The following DCDC1 variants were observed in gnomAD, a reference collection of about 807,000 sequenced individuals.
The protein encoded by DCDC1 is doublecortin domain-containing protein 1.
DCDC1 carries 200 observed loss-of-function variants against 178.3 expected under a neutral mutation model. That is an observed-to-expected ratio of 1.12 (90% CI 1.00 to 1.26). DCDC1 has a LOEUF of 1.26. Among genes scored for constraint, DCDC1 ranks in the 50% most tolerant of loss-of-function variants. The pLI is 0.00. For missense variants in DCDC1, 1,983 were observed against 1,749.2 expected (o/e 1.13, Z -2.38); for synonymous variants, 690 against 604.8 (o/e 1.14, Z -2.07).
intron 9 of DCDC1, among the ~76,000 whole-genome samples, chr11:31,183,974 G>A (rs973234936): frequency 6.6e-6 from 1 of 152,148 alleles, no homozygotes; most frequent in Non-Finnish European, 1.5e-5. Flanking sequence ...AGACCATATA[G>A]CCAAGACAAT....
intron 8 of DCDC1, among the ~76,000 whole-genome samples, chr11:31,261,290 T>A (rs1944763566): frequency 6.6e-6 from 1 of 152,156 alleles, no homozygotes; most frequent in African/African-American, 2.4e-5. Flanking sequence ...CATTATTGTT[T>A]TAGGTAGTAT....
intron 9 of DCDC1, among the ~76,000 whole-genome samples, chr11:31,140,873 T>C (rs1284110616): frequency 1.3e-5 from 2 of 152,184 alleles, no homozygotes; most frequent in East Asian, 3.8e-4. Flanking sequence ...AATACTAAGG[T>C]GTCAGGCACT....
At chr11:31,269,362 C>G (rs577863415) in intron 7 of DCDC1, among the ~76,000 whole-genome samples, 2 of 151,512 alleles carry the variant, frequency 1.3e-5, no homozygotes, top group African/African-American at 4.8e-5. Flanking sequence ...ATTACTTTTA[C>G]ACATTCACAT....
chr11:31,243,802 T>C (rs1977481548), intron 8 of DCDC1, among the ~76,000 whole-genome samples: 1 of 151,780 alleles, frequency 6.6e-6, no homozygotes, highest in Non-Finnish European at 1.5e-5. Context: ...GAAAGCAGTA[T>C]TCACAAGCAG....
chr11:31,183,656 G>A (rs542080281), intron 9 of DCDC1, among the ~76,000 whole-genome samples: 22 of 152,126 alleles, frequency 1.4e-4, no homozygotes, highest in East Asian at 3.9e-4. Flanking sequence ...GAGTCAAATC[G>A]TAAGTGAACT....
chr11:31,250,395 C>T (rs995516345), intron 8 of DCDC1, among the ~76,000 whole-genome samples: 1 of 107,896 alleles, frequency 9.3e-6, no homozygotes, highest in African/African-American at 3.7e-5. Flanking sequence ...TACACACACA[C>T]ACACACACAC....
At chr11:31,171,312 T>C (rs1446542211) in intron 9 of DCDC1, among the ~76,000 whole-genome samples, 1 of 150,588 alleles carries the variant, frequency 6.6e-6, no homozygotes, top group African/African-American at 2.5e-5. Context: ...AATTCTGGTG[T>C]TGTAACACAA....
chr11:31,288,723 G>A (rs1455840839), intron 7 of DCDC1, among the ~76,000 whole-genome samples: 1 of 151,596 alleles, frequency 6.6e-6, no homozygotes, highest in Non-Finnish European at 1.5e-5. Context: ...AAAATAATTT[G>A]TTTTTTTCTT....
chr11:31,224,939 A>G (rs1974736358), intron 9 of DCDC1, among the ~76,000 whole-genome samples: 1 of 152,210 alleles, frequency 6.6e-6, no homozygotes, highest in African/African-American at 2.4e-5. Context: ...GACTATGGAA[A>G]ACAGTATGGA....
intron 20 of DCDC1, among the ~76,000 whole-genome samples, chr11:30,955,005 G>T (rs901070783): frequency 6.6e-6 from 1 of 152,186 alleles, no homozygotes; most frequent in Non-Finnish European, 1.5e-5. Flanking sequence ...TGAGTTATTG[G>T]AATATTAGCG....
chr11:31,057,598 G>GA (rs970626519), intron 20 of DCDC1, among the ~76,000 whole-genome samples: 9 of 151,990 alleles, frequency 5.9e-5, no homozygotes, highest in African/African-American at 1.5e-4. Context: ...GAAAAGCTGA[G>GA]AAAAAAATCA....
Position 31,110,322 on chromosome 11 carries a change from C to A in DCDC1, c.1525G>T (p.Gly509Cys), listed in dbSNP as rs376849247. The A allele has an allele frequency of 9.9e-6, 7 of 708,406 alleles. No individual in the cohort carries two copies. Among genetic ancestry groups the A allele is most frequent in the Non-Finnish European group, 1.8e-5 (7 of 386,516 alleles). 43.9% of individuals were successfully genotyped at this position (708,406 alleles called of 1,614,324 possible). Residue 509 changes from glycine (G) to cysteine (C), a missense_variant, in exon 12 of 39, where the codon GGT (glycine) becomes TGT (cysteine). Transcript: ENST00000684477. ...NGKNTGEISV[G>C]ISKKDLGSDS... ...GATCCCAAATCTTTTTTACTGATAC[C>A]AACAGAGATCTCTCCAGTGTTTTTA... is the stretch of plus-strand genomic sequence containing the variant.
chr11:31,306,374 G>A lies in DCDC1; in HGVS notation c.449C>T (p.Ser150Phe). The part of the protein sequence containing the change: ...PVGQLRVAEF[S>F]SLKFQSARNW... ...CCGGGCTGACTGAAATTTTAAAGAA[G>A]AGAACTCTGCAACCCTGAAGAAAAA... is the stretch of plus-strand genomic sequence containing the variant. Residue 150 changes from serine to phenylalanine, a missense_variant, in exon 5 of 39, where the codon TCT (serine) becomes TTT (phenylalanine). By Grantham distance (155) the Ser-to-Phe change is radical. Coordinates refer to ENST00000684477, the MANE Select transcript of DCDC1 (RefSeq NM_001387274.1). The A allele has an allele frequency of 6.2e-7, 1 of 1,607,846 alleles. No homozygotes were observed. Among genetic ancestry groups the A allele is most frequent in the South Asian group, 1.1e-5 (1 of 89,720 alleles).
At chr11:30,893,663 G>A (rs1202878126) in intron 35 of DCDC1, among the ~76,000 whole-genome samples, 8 of 152,224 alleles carry the variant, frequency 5.3e-5, no homozygotes, top group East Asian at 1.9e-4. Flanking sequence ...AACATTTCAC[G>A]AATTTGAGAA....
chr11:31,087,656 A>G (rs1297050400), intron 17 of DCDC1, among the ~76,000 whole-genome samples: 1 of 152,078 alleles, frequency 6.6e-6, no homozygotes, highest in Non-Finnish European at 1.5e-5. Flanking sequence ...TTGCCACTAT[A>G]TTTTAGTTTA....
chr11:31,353,676 G>C (rs977678222), intron 1 of DCDC1, among the ~76,000 whole-genome samples: 8 of 152,096 alleles, frequency 5.3e-5, no homozygotes, highest in Non-Finnish European at 7.4e-5. Flanking sequence ...TCTGATGTTC[G>C]ATATTTACTT....
intron 9 of DCDC1, among the ~76,000 whole-genome samples, chr11:31,183,752 A>G (rs1591336805): frequency 1.3e-5 from 2 of 152,334 alleles, no homozygotes; most frequent in Non-Finnish European, 2.9e-5. Context: ...GGAGAACTAC[A>G]AACCACTGCT....
chr11:31,068,918 C>G (rs943869865), intron 18 of DCDC1, among the ~76,000 whole-genome samples: 1 of 151,292 alleles, frequency 6.6e-6, no homozygotes, highest in Non-Finnish European at 1.5e-5. Context: ...GTGGTGCAAT[C>G]TCGGCTCACT....
rs577743435 is a variant in DCDC1 at position 31,060,980 on chromosome 11, T to C, written c.2591+3489A>G. On this transcript the variant is annotated intron_variant, in intron 20 of 38. Coordinates refer to ENST00000684477, the MANE Select transcript of DCDC1 (RefSeq NM_001387274.1). ...TGCCAAGTTGAGTCATGAAGAGAAA[T>C]GTCAGTGCGATCCCTGGCAGCTGCT... Among the ~76,000 whole-genome samples the C allele has an allele frequency of 6.6e-5, 10 of 152,242 alleles. No individual in the cohort carries two copies. In the South Asian group the frequency reaches 2.1e-3, roughly 32 times the overall value.
Sources: allele counts gnomAD v4.1 joint callset (sites outside exome capture counted in the v4.1 genomes callset), GRCh38; gene constraint gnomAD v4.1.1; transcripts MANE v1.5; gene names NCBI Gene and HGNC (gene_info 2026-07-23, HGNC 2026-07-21).